Variants in PDE4A observed in about 807,000 individuals in gnomAD.
The protein encoded by PDE4A is phosphodiesterase 4A.
In PDE4A, 21 loss-of-function variants were observed where a neutral mutation model predicts 73.9. The ratio of observed to expected loss-of-function variants is 0.28; its 90% CI spans 0.20 to 0.41. The LOEUF (loss-of-function observed/expected upper bound fraction) is 0.41, where lower values mean the gene tolerates loss of function less well. PDE4A is among the 10% of genes least tolerant of loss of function. The pLI, the probability that PDE4A is intolerant of heterozygous loss-of-function variation, is 1.00. For synonymous variants in PDE4A, 463 were observed against 505.4 expected, an observed-to-expected ratio of 0.92 and a Z score of 1.13; for missense variants, 958 against 1,211.4, an observed-to-expected ratio of 0.79 and a Z score of 3.10.
upstream of PDE4A, chr19:10,418,709 C>T (rs1055248590): frequency 1.0e-6 from 1 of 974,220 alleles, no homozygotes; most frequent in Non-Finnish European, 1.2e-6. Context: ...CCTCCTTCTT[C>T]TGCAACCCCA....
At chr19:10,419,897 C>G (rs1195648243), upstream of PDE4A, 1 of 152,700 alleles carries the variant, frequency 6.5e-6, no homozygotes, top group African/African-American at 2.4e-5. Context: ...CACCCACAGA[C>G]ACACACAGTT....
chr19:10,425,229 AAAAAC>A lies in PDE4A; in HGVS notation c.320+4150_320+4154del, dbSNP rs1205952072. On this transcript the variant is annotated intron_variant, in intron 1 of 14. Transcript: ENST00000380702. ...CAGAGCGAGACCCTGTCTCAAAAAAAAAAACAAAAAACAAAAAACAGATCTGCTCC... is the reference window on the plus strand; with the variant it reads ...CAGAGCGAGACCCTGTCTCAAAAAAAAAAAAACAAAAAACAGATCTGCTCC... Among the ~76,000 whole-genome samples, 6 of 151,712 alleles carry A rather than the reference AAAAAC, an allele frequency of 4.0e-5. No homozygotes were observed. In the East Asian group the frequency reaches 9.7e-4, roughly 25 times the overall value.
In PDE4A at chr19:10,453,363, TCCTGGTGAGCTGGGCC is replaced by T; in HGVS notation, c.784-1463_784-1448del. The T allele has an allele frequency of 6.3e-7, 1 of 1,598,162 alleles. No individual in the cohort carries two copies. The highest frequency in any genetic ancestry group is 8.5e-7 in the Non-Finnish European group (1 of 1,174,310). ...GTGCAGGGTAGGGGGTGGGCGGGCA[TCCTGGTGAGCTGGGCC>T]CCCGGTGTGGGCTTGTGTGTGCAGC... is the stretch of plus-strand genomic sequence containing the variant. On this transcript the variant is annotated intron_variant, in intron 6 of 14. Transcript: ENST00000380702. This position sits in a 1 kb window ranked among gnomAD's most constrained non-coding sequence, Gnocchi z 4.6.
intron 6 of PDE4A, 95 bp downstream of exon 6, chr19:10,451,036 T>G (rs1051928970): frequency 8.2e-7 from 1 of 1,220,102 alleles, no homozygotes; most frequent in Admixed American, 2.0e-5. Flanking sequence ...GGGCGCGGCC[T>G]GCGGATGGAG....
chr19:10,442,851 TA>T (rs2042956395), intron 1 of PDE4A, among the ~76,000 whole-genome samples: 1 of 149,190 alleles, frequency 6.7e-6, no homozygotes, highest in Non-Finnish European at 1.5e-5. Context: ...ATAGTAATAT[TA>T]TATACATGCA....
chr19:10,447,820 G>A (rs911476959), intron 2 of PDE4A, among the ~76,000 whole-genome samples: 3 of 152,062 alleles, frequency 2.0e-5, no homozygotes, highest in African/African-American at 7.2e-5. Flanking sequence ...GTTGAGGTGT[G>A]AGTTCCCCCT....
chr19:10,451,237 A>G (rs988806646), intron 6 of PDE4A, among the ~76,000 whole-genome samples: 2 of 150,878 alleles, frequency 1.3e-5, no homozygotes, highest in Non-Finnish European at 3.0e-5. Context: ...GGTAGGGTCT[A>G]TGGTATGGGG....
intron 1 of PDE4A, among the ~76,000 whole-genome samples, chr19:10,444,494 A>C (rs556765076): frequency 7.3e-5 from 11 of 150,384 alleles, no homozygotes; most frequent in Admixed American, 3.3e-4. Flanking sequence ...GTGAAACTCC[A>C]TCTCAAAAAA....
At chr19:10,420,188 A>T (rs2042630078), upstream of PDE4A, 1 of 158,690 alleles carries the variant, frequency 6.3e-6, no homozygotes, top group Non-Finnish European at 1.3e-5. This position sits in a 1 kb window ranked among gnomAD's most constrained non-coding sequence, Gnocchi z 6.0. Flanking sequence ...CCAACACCGG[A>T]CTCCGCCCTC....
At chr19:10,436,735 G>A (rs1278087169) in intron 1 of PDE4A, among the ~76,000 whole-genome samples, 2 of 152,192 alleles carry the variant, frequency 1.3e-5, no homozygotes, top group South Asian at 2.1e-4. Context: ...GACACAGCAG[G>A]TGCTCAACAA....
intron 1 of PDE4A, chr19:10,427,396 G>A (rs1262390801): frequency 1.8e-5 from 12 of 671,280 alleles, no homozygotes; most frequent in African/African-American, 3.9e-5. Flanking sequence ...TGGTGGGAGT[G>A]TGTCTGATAC....
intron 1 of PDE4A, chr19:10,423,026 A>T: frequency 2.5e-6 from 2 of 813,702 alleles, no homozygotes; most frequent in Non-Finnish European, 3.0e-6. Context: ...TCCATCTCGC[A>T]ATGGCTCACC....
At chr19:10,423,691 A>C (rs1025931453) in intron 1 of PDE4A, among the ~76,000 whole-genome samples, 3 of 152,096 alleles carry the variant, frequency 2.0e-5, no homozygotes, top group African/African-American at 7.2e-5. Context: ...TAATCAGTAG[A>C]TCTCCATTCA....
rs1174705272 is a variant in PDE4A at position 10,420,595 on chromosome 19, G to C, written c.-170G>C. The C allele has an allele frequency of 7.7e-7, 1 of 1,291,344 alleles. No homozygotes were observed. Among genetic ancestry groups the C allele is most frequent in the African/African-American group, 1.6e-5 (1 of 64,046 alleles). 80.0% of individuals were successfully genotyped at this position (1,291,344 alleles called of 1,614,324 possible). ...CGCCGAAAGGAAGCTGCAGAGCCCG[G>C]CCCGGGGGCGATTGGCCCGCAGCGC... On this transcript the variant is annotated 5_prime_UTR_variant, in exon 1 of 15. Transcript: ENST00000380702. This position sits in a 1 kb window ranked among gnomAD's most constrained non-coding sequence, Gnocchi z 6.0.
chr19:10,446,533 C>T, intron 2 of PDE4A, 124 bp downstream of exon 2: 1 of 1,162,716 alleles, frequency 8.6e-7, no homozygotes, highest in Non-Finnish European at 1.2e-6. Context: ...CCTGTCCTCC[C>T]CAGTGAAGGG....
upstream of PDE4A, chr19:10,417,028 G>A (rs942744659): frequency 1.3e-6 from 2 of 1,534,328 alleles, no homozygotes; most frequent in South Asian, 2.4e-5. Context: ...GCGGGGCTTC[G>A]CCCCTTGGGG....
intron 14 of PDE4A, 106 bp from the exon 15 acceptor site, chr19:10,466,781 A>G: frequency 2.0e-6 from 3 of 1,502,242 alleles, no homozygotes; most frequent in South Asian, 2.6e-5. Flanking sequence ...GACATGAGCC[A>G]CCATGCCCGG....
At chr19:10,444,829 C>G (rs551852181) in intron 1 of PDE4A, among the ~76,000 whole-genome samples, 1 of 152,156 alleles carries the variant, frequency 6.6e-6, no homozygotes, top group East Asian at 1.9e-4. Context: ...TCCACCACCA[C>G]GCCTGGCTAA....
chr19:10,430,320 G>A lies in PDE4A; in HGVS notation c.320+9236G>A, dbSNP rs551968947. Among the ~76,000 whole-genome samples the A allele has an allele frequency of 7.9e-5, 12 of 152,100 alleles. No homozygotes were observed. In the East Asian group the frequency reaches 2.3e-3, roughly 30 times the overall value. On this transcript the variant is annotated intron_variant, in intron 1 of 14. Transcript: ENST00000380702. ...CCAGAAACAGTGAGAATACTGCTAG[G>A]ATTATGGGGGCATCTGGAGAGCTAT... is the stretch of plus-strand genomic sequence containing the variant.
Sources: allele counts gnomAD v4.1 joint callset (sites outside exome capture counted in the v4.1 genomes callset), GRCh38; gene constraint gnomAD v4.1.1; non-coding constraint Gnocchi (gnomAD v3.1); transcripts MANE v1.5; gene names NCBI Gene and HGNC (gene_info 2026-07-23, HGNC 2026-07-21).